Variants in TSN observed in about 807,000 individuals in gnomAD.
TSN encodes translin.
In TSN, 5 loss-of-function variants were observed where a neutral mutation model predicts 29.4. That is an observed-to-expected ratio of 0.17 (90% CI 0.09 to 0.36). The LOEUF is 0.36. TSN is among the 10% of genes least tolerant of loss of function. The pLI is 1.00. For missense variants in TSN, 159 were observed against 272.8 expected, an observed-to-expected ratio of 0.58 and a Z score of 2.94; for synonymous variants, 106 against 102.2, an observed-to-expected ratio of 1.04 and a Z score of -0.23.
At chr2:121,757,455 T>C (rs773054930) in intron 2 of TSN, 122 bp downstream of exon 2, 9 of 1,542,250 alleles carry the variant, frequency 5.8e-6, no homozygotes, top group Non-Finnish European at 7.9e-6. Context: ...ATTGAAGAAG[T>C]AGGTGATTTG....
At chr2:121,757,519 T>C (rs2074767569) in intron 2 of TSN, 186 bp downstream of exon 2, 2 of 1,159,394 alleles carry the variant, frequency 1.7e-6, no homozygotes, top group Non-Finnish European at 2.4e-6. Flanking sequence ...TAAACAGAGA[T>C]GTTTTCTATT....
chr2:121,756,338 C>T (rs2074747529), intron 1 of TSN: 1 of 246,988 alleles, frequency 4.0e-6, no homozygotes, highest in Non-Finnish European at 8.4e-6. Context: ...CAAATAGCTT[C>T]CTGCCTGTTT....
At chr2:121,761,611 A>G in intron 4 of TSN, 87 bp downstream of exon 4, 1 of 1,042,886 alleles carries the variant, frequency 9.6e-7, no homozygotes, top group Non-Finnish European at 1.5e-6. Flanking sequence ...TGTTTATTAA[A>G]ACAAACAAGA....
At chr2:121,763,864 T>C (rs142799302) in intron 5 of TSN, among the ~76,000 whole-genome samples, 2 of 152,364 alleles carry the variant, frequency 1.3e-5, no homozygotes, top group African/African-American at 4.8e-5. Flanking sequence ...AAATATTTAC[T>C]ATCTGGCTCG....
chr2:121,756,290 C>A (rs761999172), intron 1 of TSN: 1 of 249,038 alleles, frequency 4.0e-6, no homozygotes. Flanking sequence ...TGCTCTCTGT[C>A]TTTGTGTATG....
At chr2:121,756,259 G>T in intron 1 of TSN, 1 of 244,056 alleles carries the variant, frequency 4.1e-6, no homozygotes. Context: ...GGCTCACATG[G>T]TTTCTCTTCA....
At chr2:121,759,447 A>C (rs939207411) in intron 3 of TSN, among the ~76,000 whole-genome samples, 1 of 152,156 alleles carries the variant, frequency 6.6e-6, no homozygotes, top group Admixed American at 6.5e-5. Context: ...GTCTCTACTA[A>C]AAATACGAAA....
Position 121,765,454 on chromosome 2 carries a change from C to A in TSN, c.*87C>A, listed in dbSNP as rs2074889809. ...AGTGCCTCTTACGGTAGTTAGGATGCTCAGTTGCTAAACACTGCGCTTTAT... is the reference window on the plus strand; with the variant it reads ...AGTGCCTCTTACGGTAGTTAGGATGATCAGTTGCTAAACACTGCGCTTTAT... On this transcript the variant is annotated 3_prime_UTR_variant, in exon 6 of 6. Transcript: ENST00000389682. 2 of 1,219,386 alleles carry A rather than the reference C, an allele frequency of 1.6e-6. No individual in the cohort carries two copies. The highest frequency in any genetic ancestry group is 2.4e-6 in the Non-Finnish European group (2 of 843,864). The allele number at this position is 1,219,386 out of a possible 1,614,324, so 75.5% of individuals were successfully genotyped here. A position where few individuals can be genotyped will look rare whatever the true frequency, so the allele number is the denominator to read the frequency against.
chr2:121,756,060 A>C (rs1453026103), intron 1 of TSN: 1 of 1,003,252 alleles, frequency 1.0e-6, no homozygotes, highest in African/African-American at 1.7e-5. Context: ...TCTCAGCATC[A>C]CTTGCCTCGT....
intron 3 of TSN, among the ~76,000 whole-genome samples, chr2:121,759,194 C>T (rs1417792419): frequency 6.6e-6 from 1 of 152,080 alleles, no homozygotes; most frequent in African/African-American, 2.4e-5. Flanking sequence ...AATTTCACTG[C>T]CAAGTGATGT....
chr2:121,763,175 C>T, intron 5 of TSN, 91 bp downstream of exon 5: 1 of 960,866 alleles, frequency 1.0e-6, no homozygotes, highest in South Asian at 1.8e-5. Context: ...CAGAGTCCCG[C>T]TCTGTCGCCT....
Position 121,755,801 on chromosome 2 carries a change from G to A in TSN, c.22G>A (p.Val8Met), listed in dbSNP as rs1443739875. The stretch of plus-strand genomic sequence containing the variant: ...CGCCATGTCTGTGAGCGAGATCTTC[G>A]TGGAGCTGCAGGGCTTTTTGGCTGC... MSVSEIF[V>M]ELQGFLAAEQ... Residue 8 changes from valine (V) to methionine (M), a missense_variant, in exon 1 of 6, where the codon GTG becomes ATG. Coordinates refer to ENST00000389682, the MANE Select transcript of TSN (RefSeq NM_004622.3). 1.2e-6 allele frequency: 2 copies of A among 1,614,046 alleles called. No homozygotes were observed. The highest frequency in any genetic ancestry group is 1.7e-6 in the Non-Finnish European group (2 of 1,180,048).
chr2:121,760,525 A>T (rs2074809555), intron 3 of TSN, among the ~76,000 whole-genome samples: 1 of 151,206 alleles, frequency 6.6e-6, no homozygotes, highest in Admixed American at 6.6e-5. Flanking sequence ...CATTATGTTG[A>T]GACCTTTTTT....
At chr2:121,757,406 A>G (rs1254491475) in intron 2 of TSN, 73 bp downstream of exon 2, 5 of 1,600,632 alleles carry the variant, frequency 3.1e-6, no homozygotes, top group Non-Finnish European at 4.3e-6. Context: ...AAGACATTTT[A>G]TAATGAAAAA....
chr2:121,765,037 G>A (rs2074884233), intron 5 of TSN, 97 bp from the exon 6 acceptor site: 3 of 1,112,178 alleles, frequency 2.7e-6, no homozygotes. Context: ...CAGCGTGGCT[G>A]TCTAGGCTTG....
intron 3 of TSN, among the ~76,000 whole-genome samples, chr2:121,760,910 G>A (rs287795): frequency 0.015 from 2,172 of 140,734 alleles, 56 homozygotes; most frequent in African/African-American, 0.051. Context: ...TCGCTCTGTC[G>A]TTCAGGGTGG....
At position 121,758,727 on chromosome 2, in the gene TSN, A is replaced by G. The variant is rs546025752; in HGVS notation, c.178A>G (p.Lys60Glu). 1 of 1,582,946 alleles carries G rather than the reference A, an allele frequency of 6.3e-7. No individual in the cohort carries two copies. Among genetic ancestry groups the G allele is most frequent in the South Asian group, 1.2e-5 (1 of 82,744 alleles). Residue 60 changes from lysine to glutamate, a missense_variant, in exon 3 of 6, where the codon AAA becomes GAA. Physicochemically the swap from Lys to Glu is moderately conservative, Grantham distance 56. Coordinates refer to ENST00000389682, the MANE Select transcript of TSN (RefSeq NM_004622.3). Reference sequence around the variant, plus strand: ...GTGACTAGTTCCAAAGAGGTGTTTGAAAGCTCGAGAACATTTTGGTACAGT... The same window carrying G: ...GTGACTAGTTCCAAAGAGGTGTTTGGAAGCTCGAGAACATTTTGGTACAGT... Reference protein sequence around the residue: ...GFQDIPKRCLKAREHFGTVKT... With the variant: ...GFQDIPKRCLEAREHFGTVKT...
intron 3 of TSN, among the ~76,000 whole-genome samples, chr2:121,759,170 T>C (rs560792077): frequency 2.1e-4 from 32 of 152,216 alleles, no homozygotes; most frequent in Non-Finnish European, 3.7e-4. Context: ...AGTCGAGTTT[T>C]ACTTTGAAGC....
At chr2:121,756,816 G>A in intron 1 of TSN, 1 of 311,976 alleles carries the variant, frequency 3.2e-6, no homozygotes, top group Non-Finnish European at 6.2e-6. Context: ...GGCTGAAGCA[G>A]GAGAATGGCG....
Sources: allele counts gnomAD v4.1 joint callset (sites outside exome capture counted in the v4.1 genomes callset), GRCh38; gene constraint gnomAD v4.1.1; transcripts MANE v1.5; gene names NCBI Gene and HGNC (gene_info 2026-07-23, HGNC 2026-07-21).